Variants in HCN2 observed in about 807,000 individuals in gnomAD.
The protein encoded by HCN2 is hyperpolarization activated cyclic nucleotide gated potassium and sodium channel 2.
Under a neutral mutation model 52.3 loss-of-function variants are expected in HCN2, and 20 were observed. That is an observed-to-expected ratio of 0.38 (90% confidence interval 0.27 to 0.56). HCN2 has a LOEUF of 0.56. HCN2 is among the 20% of genes least tolerant of loss of function. HCN2 has a pLI of 0.71. For synonymous variants in HCN2, 694 were observed against 537.0 expected (o/e 1.29, Z -4.04); for missense variants, 981 against 1,207.7 (o/e 0.81, Z 2.78).
intron 5 of HCN2, among the ~76,000 whole-genome samples, chr19:611,912 G>A (rs542334163): frequency 2.4e-4 from 36 of 152,286 alleles, no homozygotes; most frequent in Middle Eastern, 3.4e-3. Flanking sequence ...TTCAGAGGCC[G>A]AGACGGGCAG....
chr19:602,346 G>A (rs544234528), intron 1 of HCN2, among the ~76,000 whole-genome samples: 11 of 80,836 alleles, frequency 1.4e-4, no homozygotes, highest in South Asian at 1.0e-3. Context: ...CTGCGTGGAC[G>A]CCCCACTTCC....
Position 590,439 on chromosome 19 carries a change from G to A in HCN2, c.494G>A (p.Arg165His), listed in dbSNP as rs1370533256. The change falls in exon 1 of 8, where the codon CGC (arginine) becomes CAC (histidine). Residue 165 changes from arginine to histidine, a missense_variant. By Grantham distance (29) the Arg-to-His change is conservative (BLOSUM62 0). Transcript: ENST00000251287. This position sits in a 1 kb window ranked among gnomAD's most constrained non-coding sequence, Gnocchi z 7.2. ...GGCAGCCAGGCCAGCTTCATGCAGC[G>A]CCAGTTCGGCGCGCTCCTGCAGCCG... ...PRGSQASFMQRQFGALLQPGV... is the reference protein window; with the variant it reads ...PRGSQASFMQHQFGALLQPGV... The A allele has an allele frequency of 2.7e-6, 4 of 1,496,680 alleles. No homozygotes were observed. Among genetic ancestry groups the A allele is most frequent in the East Asian group, 2.8e-5 (1 of 35,988 alleles). The allele number at this position is 1,496,680 out of a possible 1,614,324, so 92.7% of individuals were successfully genotyped here.
intron 1 of HCN2, among the ~76,000 whole-genome samples, chr19:594,969 G>A (rs765064387): frequency 1.3e-5 from 2 of 152,138 alleles, no homozygotes; most frequent in Non-Finnish European, 2.9e-5. Flanking sequence ...GGGAGGCGGA[G>A]GCGGGAGGAT....
intron 7 of HCN2, among the ~76,000 whole-genome samples, chr19:615,350 A>AT (rs1983850336): frequency 6.6e-6 from 1 of 151,946 alleles, no homozygotes; most frequent in African/African-American, 2.4e-5. Context: ...TCTACTAAAA[A>AT]AAAAATACAA....
Position 608,259 on chromosome 19 carries a change from G to C in HCN2, c.1437+77G>C, listed in dbSNP as rs1178291366. The C allele has an allele frequency of 2.9e-6, 4 of 1,361,868 alleles. No individual in the cohort carries two copies. In the African/African-American group the frequency reaches 4.3e-5, roughly 15 times the overall value. 84.4% of individuals were successfully genotyped at this position (1,361,868 alleles called of 1,614,324 possible). A position where few individuals can be genotyped will look rare whatever the true frequency, so the allele number is the denominator to read the frequency against. On this transcript the variant is annotated intron_variant, in intron 4 of 7. Transcript: ENST00000251287. ...GATCTGGGGTCTGAGAGAGAGTCAGGCCAGGCCCTGGGGTCTGATGGAGGG... is the reference window on the plus strand; with the variant it reads ...GATCTGGGGTCTGAGAGAGAGTCAGCCCAGGCCCTGGGGTCTGATGGAGGG...
rs757218942 is a variant in HCN2 at position 613,846 on chromosome 19, G to A, written c.1826-6G>A. 1.1e-5 allele frequency: 17 copies of A among 1,568,390 alleles called. No individual in the cohort carries two copies. The highest frequency in any genetic ancestry group is 4.2e-5 in the African/African-American group (3 of 70,614). On this transcript the variant is annotated splice_region_variant and splice_polypyrimidine_tract_variant and intron_variant, in intron 6 of 7. Coordinates refer to ENST00000251287, the MANE Select transcript of HCN2 (RefSeq NM_001194.4). ...CCAGCAACCCCCCCCTGCGCGCCAC[G>A]TGCAGAGATCTGCCTGCTCACCCGG...
intron 3 of HCN2, among the ~76,000 whole-genome samples, chr19:607,568 C>T (rs147649119): frequency 4.6e-5 from 7 of 152,330 alleles, no homozygotes; most frequent in African/African-American, 1.2e-4. Context: ...GGACTTGGTG[C>T]GGCAGGACCT....
chr19:600,675 T>C (rs545569062), intron 1 of HCN2, among the ~76,000 whole-genome samples: 2 of 151,898 alleles, frequency 1.3e-5, no homozygotes, highest in African/African-American at 4.8e-5. Context: ...GAGACGGGGT[T>C]TCACCATATT....
rs867077507 is a variant in HCN2, at chr19:616,937, G to A, written c.*463G>A. The A allele has an allele frequency of 2.7e-5, 10 of 370,762 alleles. No individual in the cohort carries two copies. The highest frequency in any genetic ancestry group is 1.5e-4 in the African/African-American group (7 of 46,722). 23.0% of individuals were successfully genotyped at this position (370,762 alleles called of 1,614,324 possible). ...GCAATAACCGGCCCGGCCCCCGTCC[G>A]CGCGCGTCCCCCGGTGACCTCGGGG... On this transcript the variant is annotated 3_prime_UTR_variant, in exon 8 of 8. Transcript: ENST00000251287.
intron 1 of HCN2, among the ~76,000 whole-genome samples, chr19:593,922 C>T (rs1217472441): frequency 1.3e-5 from 2 of 152,214 alleles, no homozygotes; most frequent in African/African-American, 4.8e-5. Context: ...TCTTCTGTGC[C>T]TCCCAGAGCA....
rs142597472 is a variant in HCN2 at position 613,376 on chromosome 19, C to A, written c.1713C>A (p.Ile571=). The A allele has an allele frequency of 6.2e-7, 1 of 1,613,032 alleles. No individual in the cohort carries two copies. The highest frequency in any genetic ancestry group is 2.2e-5 in the East Asian group (1 of 44,844). The change falls in exon 6 of 8, where the codon ATC becomes ATA. Residue 571 remains isoleucine, a synonymous_variant. Transcript: ENST00000251287. ...AGGTCTTCCAGCCGGGTGACTACAT[C>A]ATCCGCGAAGGCACCATCGGGAAGA... ...KFEVFQPGDY[I]IREGTIGKKM... is the part of the protein sequence containing the mutation.
intron 1 of HCN2, among the ~76,000 whole-genome samples, chr19:596,688 G>C (rs564004191): frequency 6.6e-6 from 1 of 152,188 alleles, no homozygotes; most frequent in Non-Finnish European, 1.5e-5. Context: ...GCTGGGGCCC[G>C]CCTGGGTCCC....
chr19:597,749 T>TC (rs750224641), intron 1 of HCN2, among the ~76,000 whole-genome samples: 1 of 151,330 alleles, frequency 6.6e-6, no homozygotes, highest in African/African-American at 2.4e-5. Context: ...GGTTTCTAGG[T>TC]CCTCCTGGTG....
In HCN2 at chr19:613,841, G is replaced by A. The variant is rs775844427; in HGVS notation, c.1826-11G>A. ...CTCGTCCAGCAACCCCCCCCTGCGC[G>A]CCACGTGCAGAGATCTGCCTGCTCA... is the stretch of plus-strand genomic sequence containing the variant. On this transcript the variant is annotated splice_polypyrimidine_tract_variant and intron_variant, in intron 6 of 7. Coordinates refer to ENST00000251287, the MANE Select transcript of HCN2 (RefSeq NM_001194.4). 2.6e-6 allele frequency: 4 copies of A among 1,539,668 alleles called. No individual in the cohort carries two copies. The highest frequency in any genetic ancestry group is 2.5e-5 in the East Asian group (1 of 40,524).
chr19:604,972 C>T, intron 2 of HCN2, 89 bp from the exon 3 acceptor site: 1 of 1,362,636 alleles, frequency 7.3e-7, no homozygotes, highest in African/African-American at 1.6e-5. Context: ...GGGCCAGGAG[C>T]TCCCGCAGTG....
chr19:597,269 A>G (rs1462786364), intron 1 of HCN2, among the ~76,000 whole-genome samples: 1 of 152,210 alleles, frequency 6.6e-6, no homozygotes, highest in Admixed American at 6.5e-5. Flanking sequence ...TGGTTTCCAG[A>G]CAGTGTGGGC....
Position 591,769 on chromosome 19 carries a change from C to T in HCN2, c.632+1192C>T, listed in dbSNP as rs987992895. ...GGCGCCCCAGGACAGCCCCCACGGA[C>T]CCTGGACCCCCGGAACTGGGCAGGG... is the stretch of plus-strand genomic sequence containing the variant. On this transcript the variant is annotated intron_variant, in intron 1 of 7. Transcript: ENST00000251287. The surrounding 1 kb of genome is among the most constrained non-coding windows in gnomAD (Gnocchi z 4.1). Among the ~76,000 whole-genome samples the T allele has an allele frequency of 1.3e-5, 2 of 152,168 alleles. No homozygotes were observed. Among genetic ancestry groups the T allele is most frequent in the South Asian group, 2.1e-4 (1 of 4,832 alleles).
chr19:616,965 C>T lies in HCN2; in HGVS notation c.*491C>T. The T allele has an allele frequency of 6.7e-6, 3 of 448,864 alleles. No homozygotes were observed. The highest frequency in any genetic ancestry group is 4.3e-5 in the South Asian group (2 of 46,628). The allele number at this position is 448,864 out of a possible 1,614,324, so 27.8% of individuals were successfully genotyped here. On this transcript the variant is annotated 3_prime_UTR_variant, in exon 8 of 8. Coordinates refer to ENST00000251287, the MANE Select transcript of HCN2 (RefSeq NM_001194.4). ...CGCGTCCCCCGGTGACCTCGGGGAG[C>T]AGCACCCCGCCTCCCTCCAGCACTG...
Position 603,959 on chromosome 19 carries a change from T to C in HCN2, c.1048T>C (p.Trp350Arg). 1 of 1,079,786 alleles carries C rather than the reference T, an allele frequency of 9.3e-7. No individual in the cohort carries two copies. The highest frequency in any genetic ancestry group is 2.0e-5 in the South Asian group (1 of 49,032). The allele number at this position is 1,079,786 out of a possible 1,614,324, so 66.9% of individuals were successfully genotyped here. The stretch of plus-strand genomic sequence containing the variant: ...ACGCCTGATCCGCTACATCCATCAG[T>C]GGGAGGAGGTGAGGTGGGGCGGGGG... ...LSRLIRYIHQ[W>R]EEIFHMTYDL... The change falls in exon 2 of 8, where the codon TGG becomes CGG. Residue 350 changes from tryptophan to arginine, a missense_variant. Coordinates refer to ENST00000251287, the MANE Select transcript of HCN2 (RefSeq NM_001194.4).
Sources: allele counts gnomAD v4.1 joint callset (sites outside exome capture counted in the v4.1 genomes callset), GRCh38; gene constraint gnomAD v4.1.1; non-coding constraint Gnocchi (gnomAD v3.1); transcripts MANE v1.5; gene names NCBI Gene and HGNC (gene_info 2026-07-23, HGNC 2026-07-21).